ACACB: variants seen among roughly 807,000 people sequenced by gnomAD.
The protein encoded by ACACB is acetyl-CoA carboxylase beta, also known as acetyl-CoA carboxylase 2.
ACACB carries 209 observed loss-of-function variants against 278.8 expected under a neutral mutation model. The observed-to-expected ratio is 0.75, with a 90% CI of 0.67 to 0.84. ACACB has a LOEUF of 0.84. ACACB is among the 40% of genes least tolerant of loss of function. ACACB has a pLI of 0.00. For synonymous variants in ACACB, 1,174 were observed against 1,285.6 expected (o/e 0.91, Z 1.86); for missense variants, 2,850 against 3,269.0 (o/e 0.87, Z 3.13).
chr12:109,253,159 G>A lies in ACACB; in HGVS notation c.6045+1G>A. 1.3e-6 allele frequency: 2 copies of A among 1,571,468 alleles called. No homozygotes were observed. The highest frequency in any genetic ancestry group is 1.7e-6 in the Non-Finnish European group (2 of 1,155,566). ...GGAGTGGCTGTCCTATATGCCAAAG[G>A]TGCAGTACTCCCCCTGCAGCTTAGA... On this transcript the variant is annotated splice_donor_variant, in intron 43 of 52. Transcript: ENST00000338432. LOFTEE classifies it high-confidence loss of function.
chr12:109,187,798 T>C (rs2044715296), intron 12 of ACACB, among the ~76,000 whole-genome samples: 1 of 152,040 alleles, frequency 6.6e-6, no homozygotes, highest in African/African-American at 2.4e-5. Flanking sequence ...AAAATAAGAA[T>C]TATAGGCATT....
At chr12:109,212,984 G>A (rs370430782) in intron 22 of ACACB, 48 bp downstream of exon 22, 41 of 1,517,918 alleles carry the variant, frequency 2.7e-5, no homozygotes, top group Middle Eastern at 1.7e-4. Flanking sequence ...CTGAATCGTC[G>A]CATGCATTGC....
chr12:109,122,208 G>A (rs747906008), intron 1 of ACACB, among the ~76,000 whole-genome samples: 3 of 152,184 alleles, frequency 2.0e-5, no homozygotes, highest in Non-Finnish European at 4.4e-5. Flanking sequence ...CTACCCGGGT[G>A]AGTGACTTTG....
chr12:109,166,949 G>A lies in ACACB; in HGVS notation c.742G>A (p.Ala248Thr), dbSNP rs781314104. The A allele has an allele frequency of 2.4e-5, 38 of 1,613,866 alleles. No homozygotes were observed. The East Asian group carries it at 3.3e-4, about 14-fold the overall frequency. Residue 248 changes from alanine to threonine, a missense_variant, in exon 3 of 53, where the codon GCT (alanine) becomes ACT (threonine). Physicochemically the swap from Ala to Thr is moderately conservative, Grantham distance 58 (BLOSUM62 0). Around this residue, in one of 3 missense-constraint regions of ACACB, gnomAD observed 2,265 missense variants for 2,561.3 expected, o/e 0.88. Transcript: ENST00000338432. Reference protein sequence around the residue: ...LHRDFTVASPAEFVTRFGGDR... With the variant: ...LHRDFTVASPTEFVTRFGGDR... ...CAGAGACTTTACCGTGGCTTCTCCC[G>A]CTGAGTTTGTCACACGCTTTGGGGG...
intron 19 of ACACB, among the ~76,000 whole-genome samples, chr12:109,204,136 G>A (rs1416100721): frequency 6.6e-6 from 1 of 151,960 alleles, no homozygotes; most frequent in Admixed American, 6.6e-5. Flanking sequence ...AGGGTGATTG[G>A]GGTATCTATT....
intron 1 of ACACB, among the ~76,000 whole-genome samples, chr12:109,133,860 TA>T (rs1191922303): frequency 1.0e-3 from 53 of 51,442 alleles, no homozygotes; most frequent in African/African-American, 4.1e-3. Context: ...TATATATATA[TA>T]TATTTTTTTT....
chr12:109,172,485 C>T (rs1452303753), intron 6 of ACACB, 129 bp downstream of exon 6: 21 of 804,364 alleles, frequency 2.6e-5, no homozygotes, highest in Admixed American at 4.8e-5. Flanking sequence ...ACACTTCTGT[C>T]GTGAGGAGTG....
At chr12:109,213,644 G>C (rs901457511) in intron 22 of ACACB, among the ~76,000 whole-genome samples, 2 of 151,994 alleles carry the variant, frequency 1.3e-5, no homozygotes, top group African/African-American at 4.8e-5. Context: ...GGCCAGGCTG[G>C]AGTGTAATGG....
intron 2 of ACACB, among the ~76,000 whole-genome samples, chr12:109,149,878 GAGAGCTGTGGAATAGTTA>G (rs2043327744): frequency 6.6e-6 from 1 of 152,222 alleles, no homozygotes; most frequent in Non-Finnish European, 1.5e-5. Flanking sequence ...TTTTTACAGA[GAGAGCTGTGGAATAGTTA>G]AGAGCACAAC....
chr12:109,212,667 A>G (rs147606073), intron 21 of ACACB, among the ~76,000 whole-genome samples, 169 bp from the exon 22 acceptor site: 284 of 152,308 alleles, frequency 1.9e-3, no homozygotes, highest in African/African-American at 6.5e-3. Context: ...GTAAATACAG[A>G]TGAAGCTTCG....
At chr12:109,241,352 A>G in intron 36 of ACACB, 71 bp downstream of exon 36, 3 of 1,495,150 alleles carry the variant, frequency 2.0e-6, no homozygotes, top group Non-Finnish European at 2.8e-6. Flanking sequence ...CAATTTGTAG[A>G]TTAAGATGGC....
In ACACB at chr12:109,128,835, G is replaced by A. The variant is rs141452485; in HGVS notation, c.-9-10562G>A. Reference sequence around the variant, plus strand: ...AATTTGTTTTCTGAGACAGGGTCTCGCTATGTTACCCAGGCTGGTCCTGAA... The same window carrying A: ...AATTTGTTTTCTGAGACAGGGTCTCACTATGTTACCCAGGCTGGTCCTGAA... On this transcript the variant is annotated intron_variant, in intron 1 of 52. Transcript: ENST00000338432. Among the ~76,000 whole-genome samples the A allele has an allele frequency of 3.2e-3, 478 of 150,010 alleles. 5 individuals carry two copies. Among genetic ancestry groups the A allele is most frequent in the African/African-American group, 0.011 (433 of 40,744 alleles).
intron 2 of ACACB, among the ~76,000 whole-genome samples, chr12:109,155,289 CTT>C (rs2043501182): frequency 6.6e-6 from 1 of 152,182 alleles, no homozygotes. Flanking sequence ...AGGCAGGTCT[CTT>C]TTGAAGCTGA....
At chr12:109,209,946 CGTGT>C (rs1172718970) in intron 21 of ACACB, among the ~76,000 whole-genome samples, 2 of 70,842 alleles carry the variant, frequency 2.8e-5, no homozygotes, top group African/African-American at 1.4e-4. Context: ...CATACACACA[CGTGT>C]GTGTATATAT....
chr12:109,164,319 A>G (rs536983920), intron 2 of ACACB, among the ~76,000 whole-genome samples: 1 of 152,122 alleles, frequency 6.6e-6, no homozygotes, highest in South Asian at 2.1e-4. Flanking sequence ...TGCAACCTCC[A>G]TTCTCTGGGT....
rs386377714 is a variant in ACACB, at chr12:109,140,890, C to CTTTT, written c.653+853_653+856dup. Among the ~76,000 whole-genome samples the CTTTT allele has an allele frequency of 9.2e-3, 799 of 86,588 alleles. 32 individuals are homozygous for CTTTT. Among genetic ancestry groups the CTTTT allele is most frequent in the East Asian group, 0.028 (56 of 2,022 alleles). The allele number at this position is 86,588 out of a possible 152,430, so 56.8% of individuals were successfully genotyped here. The stretch of plus-strand genomic sequence containing the variant: ...CTGAAGAGACATTGATTCATTCATT[C>CTTTT]TTTTTTTTTTTTTTTTTTTTTTTTG... On this transcript the variant is annotated intron_variant, in intron 2 of 52. Coordinates refer to ENST00000338432, the MANE Select transcript of ACACB (RefSeq NM_001093.4).
At chr12:109,211,342 CTTTTTTT>C (rs35008047) in intron 21 of ACACB, among the ~76,000 whole-genome samples, 2 of 109,982 alleles carry the variant, frequency 1.8e-5, no homozygotes, top group Admixed American at 9.6e-5. Flanking sequence ...TGTGATTCCT[CTTTTTTT>C]TTTTTTTTTT....
intron 1 of ACACB, among the ~76,000 whole-genome samples, chr12:109,130,609 G>T (rs180809037): frequency 6.6e-6 from 1 of 152,298 alleles, no homozygotes; most frequent in Non-Finnish European, 1.5e-5. Flanking sequence ...TCAGCTGTAG[G>T]TTGCAGCAGG....
At chr12:109,123,928 A>G (rs1484731052) in intron 1 of ACACB, among the ~76,000 whole-genome samples, 1 of 151,436 alleles carries the variant, frequency 6.6e-6, no homozygotes, top group Non-Finnish European at 1.5e-5. Context: ...GGCTCAAGCG[A>G]TCCTCCTGCC....
Sources: allele counts gnomAD v4.1 joint callset (sites outside exome capture counted in the v4.1 genomes callset), GRCh38; gene constraint gnomAD v4.1.1; regional missense constraint gnomAD v4.1.1; transcripts MANE v1.5; gene names NCBI Gene and HGNC (gene_info 2026-07-23, HGNC 2026-07-21).